Variants in LRBA observed in about 807,000 individuals in gnomAD.
LRBA encodes lipopolysaccharide-responsive and beige-like anchor protein.
LRBA carries 176 observed loss-of-function variants against 330.0 expected under a neutral mutation model. That is an observed-to-expected ratio of 0.53 (90% CI 0.47 to 0.60). LRBA has a LOEUF of 0.60. LRBA is among the 20% of genes least tolerant of loss of function. LRBA has a pLI of 0.00. For synonymous variants in LRBA, 1,230 were observed against 1,193.0 expected (o/e 1.03, Z -0.64); for missense variants, 3,259 against 3,444.8 (o/e 0.95, Z 1.35).
At chr4:150,618,871 T>TATATATATATATAC (rs1409249658) in intron 37 of LRBA, among the ~76,000 whole-genome samples, 1 of 130,822 alleles carries the variant, frequency 7.6e-6, no homozygotes, top group African/African-American at 2.6e-5. Context: ...TATATATATA[T>TATATATATATATAC]ACACACATAC....
chr4:150,906,390 G>C lies in LRBA; in HGVS notation c.1509C>G (p.Ala503=), dbSNP rs535844333. ...IDLTICSTLL[A]FIMELLKNSI... ...AGTTCTTCAACAATTCCATGATAAA[G>C]GCCAGCAAGGTTGAACTAGAATTTT... Residue 503 remains alanine (A), a synonymous_variant, in exon 12 of 57, where the codon GCC becomes GCG. Transcript: ENST00000651943. 150 of 1,602,444 alleles carry C rather than the reference G, an allele frequency of 9.4e-5. 1 individual carries two copies. In the South Asian group the frequency reaches 1.6e-3, roughly 17 times the overall value.
intron 40 of LRBA, among the ~76,000 whole-genome samples, chr4:150,514,963 A>ATTCT (rs1261309493): frequency 6.6e-6 from 1 of 152,164 alleles, no homozygotes; most frequent in African/African-American, 2.4e-5. Context: ...TTCATAGCTA[A>ATTCT]CCTTTATCTC....
At chr4:150,906,042 A>G in intron 12 of LRBA, 52 bp from the exon 13 acceptor site, 2 of 1,515,774 alleles carry the variant, frequency 1.3e-6, no homozygotes, top group East Asian at 2.3e-5. Flanking sequence ...AAAGTAAGTG[A>G]ATTACAGGCT....
chr4:150,758,871 G>A (rs1029017607), intron 35 of LRBA, among the ~76,000 whole-genome samples: 6 of 151,408 alleles, frequency 4.0e-5, no homozygotes, highest in African/African-American at 1.5e-4. Context: ...CACTGCTTCT[G>A]GCTATCTCTT....
chr4:150,859,672 G>T (rs1683195318), intron 22 of LRBA, among the ~76,000 whole-genome samples: 1 of 152,334 alleles, frequency 6.6e-6, no homozygotes, highest in African/African-American at 2.4e-5. Flanking sequence ...CTGCTACAAA[G>T]GTGGCAGGAA....
intron 37 of LRBA, among the ~76,000 whole-genome samples, chr4:150,634,278 T>C (rs992130254): frequency 1.3e-5 from 2 of 152,202 alleles, no homozygotes; most frequent in Non-Finnish European, 2.9e-5. Flanking sequence ...TTCACAACAG[T>C]AAATTTGTAT....
intron 2 of LRBA, among the ~76,000 whole-genome samples, chr4:150,980,638 G>A (rs1409619449): frequency 1.3e-5 from 2 of 151,978 alleles, no homozygotes; most frequent in Admixed American, 6.6e-5. Context: ...AGTGAAATTC[G>A]GAGAGAAAAG....
At position 150,963,614 on chromosome 4, in the gene LRBA, A is replaced by G. The variant is rs1328958340; in HGVS notation, c.217-34549T>C. On this transcript the variant is annotated intron_variant, in intron 2 of 56. Coordinates refer to ENST00000651943, the MANE Select transcript of LRBA (RefSeq NM_001364905.1). ...CCTCTGCCCGGCTGCCACCCCATAT[A>G]GGAAGTGAGGAGCGTCTCTGCCTGG... Among the ~76,000 whole-genome samples, 13 of 149,424 alleles carry G rather than the reference A, an allele frequency of 8.7e-5. 2 individuals carry two copies. Among genetic ancestry groups the G allele is most frequent in the African/African-American group, 2.8e-4 (11 of 38,862 alleles).
At chr4:150,716,345 G>A (rs936949960) in intron 36 of LRBA, among the ~76,000 whole-genome samples, 5 of 152,160 alleles carry the variant, frequency 3.3e-5, no homozygotes, top group African/African-American at 1.2e-4. Flanking sequence ...CACTAGTGAG[G>A]CTGAGGCAGA....
chr4:150,699,909 G>T (rs1784959101), intron 36 of LRBA, among the ~76,000 whole-genome samples: 6 of 152,084 alleles, frequency 3.9e-5, no homozygotes, highest in Admixed American at 3.9e-4. Context: ...TGGTTATACT[G>T]GTAGAGGTTG....
intron 37 of LRBA, among the ~76,000 whole-genome samples, chr4:150,681,657 T>C (rs141237484): frequency 0.014 from 2,193 of 152,308 alleles, 57 homozygotes; most frequent in African/African-American, 0.048. Context: ...CATTTTGTGA[T>C]GGTACATCCT....
intron 2 of LRBA, among the ~76,000 whole-genome samples, chr4:150,935,494 C>T (rs1735000348): frequency 6.6e-6 from 1 of 151,954 alleles, no homozygotes; most frequent in Non-Finnish European, 1.5e-5. Flanking sequence ...AATGAACAGA[C>T]CTGTTTCTGG....
At chr4:150,537,756 C>G (rs1561319452) in intron 40 of LRBA, among the ~76,000 whole-genome samples, 1 of 152,036 alleles carries the variant, frequency 6.6e-6, no homozygotes, top group Non-Finnish European at 1.5e-5. Context: ...TTGCTCAGGA[C>G]CAGCCTGAAC....
chr4:150,959,106 C>T (rs1437106217), intron 2 of LRBA, among the ~76,000 whole-genome samples: 1 of 149,268 alleles, frequency 6.7e-6, no homozygotes, highest in Non-Finnish European at 1.5e-5. Flanking sequence ...GGGTAATTTA[C>T]AAAGGCAAGA....
At chr4:150,365,530 G>A (rs898499096) in intron 47 of LRBA, among the ~76,000 whole-genome samples, 3 of 151,966 alleles carry the variant, frequency 2.0e-5, no homozygotes, top group Non-Finnish European at 4.4e-5. Context: ...GGTGGCTCAC[G>A]CCTGTAATCT....
At chr4:150,972,190 C>A (rs1272379099) in intron 2 of LRBA, among the ~76,000 whole-genome samples, 1 of 152,078 alleles carries the variant, frequency 6.6e-6, no homozygotes, top group Non-Finnish European at 1.5e-5. Flanking sequence ...ATAAAACTTT[C>A]TTTTAAAATT....
intron 13 of LRBA, among the ~76,000 whole-genome samples, chr4:150,903,228 T>C (rs937091294): frequency 6.6e-6 from 1 of 151,510 alleles, no homozygotes; most frequent in African/African-American, 2.4e-5. Flanking sequence ...ACAAAAAAAT[T>C]TAAAGAGTTA....
intron 36 of LRBA, among the ~76,000 whole-genome samples, chr4:150,732,684 CATT>C (rs1730622073): frequency 2.0e-5 from 3 of 152,002 alleles, no homozygotes; most frequent in Admixed American, 2.0e-4. Flanking sequence ...CAGTCATAGG[CATT>C]ATGTTTTTCC....
At chr4:150,954,558 T>C (rs1451267217) in intron 2 of LRBA, among the ~76,000 whole-genome samples, 1 of 150,568 alleles carries the variant, frequency 6.6e-6, no homozygotes, top group East Asian at 1.9e-4. Context: ...AAACAGATGC[T>C]TGAAGGCAGC....
Sources: allele counts gnomAD v4.1 joint callset (sites outside exome capture counted in the v4.1 genomes callset), GRCh38; gene constraint gnomAD v4.1.1; transcripts MANE v1.5; gene names NCBI Gene and HGNC (gene_info 2026-07-23, HGNC 2026-07-21).